RORA: variants seen among roughly 807,000 people sequenced by gnomAD.
RORA encodes the protein nuclear receptor ROR-alpha.
In RORA, 7 loss-of-function variants were observed where a neutral mutation model predicts 69.5. The observed-to-expected ratio is 0.10, with a 90% CI of 0.06 to 0.19. The LOEUF (loss-of-function observed/expected upper bound fraction) is 0.19. RORA is among the 10% of genes least tolerant of loss of function. The pLI is 1.00. For missense variants in RORA, 457 were observed against 663.0 expected, an observed-to-expected ratio of 0.69 and a Z score of 3.41; for synonymous variants, 261 against 240.8, an observed-to-expected ratio of 1.08 and a Z score of -0.78.
chr15:60,549,151 C>G (rs917366719), intron 2 of RORA, among the ~76,000 whole-genome samples: 1 of 152,138 alleles, frequency 6.6e-6, no homozygotes, highest in Non-Finnish European at 1.5e-5. Context: ...CCCAAAGTTA[C>G]GAGAAACAAG....
At chr15:61,225,662 G>A (rs1187161449) in intron 1 of RORA, among the ~76,000 whole-genome samples, 2 of 152,192 alleles carry the variant, frequency 1.3e-5, no homozygotes, top group Admixed American at 1.3e-4. Context: ...AACCAACTGT[G>A]TGGTGGTACA....
intron 2 of RORA, among the ~76,000 whole-genome samples, chr15:60,571,211 C>G (rs1176328540): frequency 6.6e-6 from 1 of 151,806 alleles, no homozygotes; most frequent in Admixed American, 6.6e-5. Flanking sequence ...CCACAGCAAA[C>G]AACAAGGATA....
At chr15:60,528,859 G>C (rs900685848) in intron 3 of RORA, 3 of 152,252 alleles carry the variant, frequency 2.0e-5, no homozygotes, top group African/African-American at 7.2e-5. Context: ...CAGTGGTATA[G>C]GTGCTCAAGC....
intron 1 of RORA, among the ~76,000 whole-genome samples, chr15:60,865,916 A>G (rs1010363994): frequency 3.3e-5 from 5 of 152,190 alleles, no homozygotes; most frequent in African/African-American, 9.6e-5. Flanking sequence ...GAGATGGGAT[A>G]TTAAAATTTT....
chr15:61,201,866 T>C (rs1019790937), intron 1 of RORA, among the ~76,000 whole-genome samples: 4 of 152,186 alleles, frequency 2.6e-5, no homozygotes, highest in Non-Finnish European at 5.9e-5. Context: ...AGAGGTAAGA[T>C]AATGGAAAAC....
chr15:60,915,730 G>A (rs1891854642), intron 1 of RORA, among the ~76,000 whole-genome samples: 2 of 152,318 alleles, frequency 1.3e-5, no homozygotes, highest in Admixed American at 1.3e-4. Context: ...GCTTGAAGAA[G>A]TGGAAGAGGA....
At chr15:60,829,596 G>A (rs891880716) in intron 1 of RORA, among the ~76,000 whole-genome samples, 3 of 152,076 alleles carry the variant, frequency 2.0e-5, no homozygotes, top group Non-Finnish European at 4.4e-5. Context: ...GTATAAGCTC[G>A]CCAGGACAGC....
chr15:61,116,894 T>A (rs1031616098), intron 1 of RORA, among the ~76,000 whole-genome samples: 12 of 152,160 alleles, frequency 7.9e-5, no homozygotes, highest in Admixed American at 2.6e-4. Context: ...TGTGTCCAGG[T>A]GGGGAAGTTC....
chr15:60,944,933 C>T (rs1892823865), intron 1 of RORA, among the ~76,000 whole-genome samples: 1 of 152,114 alleles, frequency 6.6e-6, no homozygotes, highest in African/African-American at 2.4e-5. Flanking sequence ...AGCATGCAGA[C>T]ATATCAAGGT....
At chr15:60,705,942 G>A (rs1202630823) in intron 1 of RORA, among the ~76,000 whole-genome samples, 3 of 152,074 alleles carry the variant, frequency 2.0e-5, no homozygotes, top group Non-Finnish European at 2.9e-5. Context: ...TCCTCTTAGG[G>A]TCCCCAGGTG....
At chr15:60,574,815 G>A (rs961522301) in intron 2 of RORA, among the ~76,000 whole-genome samples, 73 of 152,250 alleles carry the variant, frequency 4.8e-4, no homozygotes, top group African/African-American at 1.7e-3. Flanking sequence ...CAGCTAATAC[G>A]TGGCATTTCT....
At chr15:61,054,229 C>A (rs922793845) in intron 1 of RORA, among the ~76,000 whole-genome samples, 3 of 151,408 alleles carry the variant, frequency 2.0e-5, no homozygotes, top group African/African-American at 7.3e-5. Context: ...GTAGTTTTTC[C>A]TGAACACAAG....
At chr15:60,753,609 G>T (rs963873854) in intron 1 of RORA, among the ~76,000 whole-genome samples, 1 of 152,202 alleles carries the variant, frequency 6.6e-6, no homozygotes, top group Non-Finnish European at 1.5e-5. Context: ...GCCCAGATGT[G>T]TTAAATAACA....
At chr15:61,167,998 C>T (rs4775365) in intron 1 of RORA, among the ~76,000 whole-genome samples, 151,780 of 152,272 alleles carry the variant, frequency 1, 75,648 homozygotes, top group Middle Eastern at 1. Flanking sequence ...TATAAAACAT[C>T]TGGAAACTTG....
At chr15:60,669,634 C>T (rs1017142939) in intron 2 of RORA, among the ~76,000 whole-genome samples, 3 of 150,850 alleles carry the variant, frequency 2.0e-5, no homozygotes, top group Non-Finnish European at 3.0e-5. Context: ...TAATACTCTA[C>T]TCCAGTCAGA....
intron 1 of RORA, among the ~76,000 whole-genome samples, chr15:61,198,050 C>T (rs751870584): frequency 1.3e-5 from 2 of 152,058 alleles, no homozygotes; most frequent in African/African-American, 4.8e-5. Flanking sequence ...GTTTTATAAA[C>T]GCAACAGGGC....
intron 1 of RORA, among the ~76,000 whole-genome samples, chr15:61,050,041 T>C (rs951136470): frequency 2.0e-5 from 3 of 152,144 alleles, no homozygotes. Flanking sequence ...CAAATCAATA[T>C]ATAGCCAACA....
Position 61,148,221 on chromosome 15 carries a change from C to T in RORA, c.166+80832G>A, listed in dbSNP as rs184806270. 6.2e-4 allele frequency among the ~76,000 whole-genome samples: 94 copies of T among 152,208 alleles called. 2 individuals are homozygous for T. The East Asian group carries it at 0.016, about 25-fold the overall frequency. ...CAGTGATGTGGAAGGAGATGCTGGT[C>T]TCAGAGTGGAAGGGAAACAGGAAGT... On this transcript the variant is annotated intron_variant, in intron 1 of 10. Transcript: ENST00000335670.
intron 1 of RORA, among the ~76,000 whole-genome samples, chr15:60,967,087 T>C (rs1893573952): frequency 6.6e-6 from 1 of 152,204 alleles, no homozygotes. Context: ...GGAGATAGAT[T>C]CTAATTAGTA....
Sources: allele counts gnomAD v4.1 joint callset (sites outside exome capture counted in the v4.1 genomes callset), GRCh38; gene constraint gnomAD v4.1.1; transcripts MANE v1.5; gene names NCBI Gene and HGNC (gene_info 2026-07-23, HGNC 2026-07-21).